The following SLC35D4 variants were observed in gnomAD, a reference collection of about 807,000 sequenced individuals.
The protein encoded by SLC35D4 is solute carrier family 35 member D4, also known as UDP-N-acetylglucosamine transporter SLC35D4.
the SLC35D4 span, among the ~76,000 whole-genome samples, chr18:23,387,079 T>TTTGTA: frequency 6.6e-6 from 1 of 152,200 alleles, no homozygotes; most frequent in South Asian, 2.1e-4. Flanking sequence ...CCGGTTAATT[T>TTTGTA]TTGTATTTTT....
At chr18:23,248,431 G>A in the SLC35D4 span, among the ~76,000 whole-genome samples, 14 of 150,916 alleles carry the variant, frequency 9.3e-5, no homozygotes, top group African/African-American at 2.0e-4. Context: ...CTGCAGCCCC[G>A]ACCACTCAGG....
chr18:23,316,925 G>A, the SLC35D4 span, among the ~76,000 whole-genome samples: 1 of 152,304 alleles, frequency 6.6e-6, no homozygotes, highest in East Asian at 1.9e-4. Context: ...TGCACAGGAG[G>A]CTGCTTGGCC....
the SLC35D4 span, chr18:23,430,558 A>T: frequency 1.5e-6 from 2 of 1,306,524 alleles, no homozygotes; most frequent in South Asian, 1.3e-5. Flanking sequence ...TGCAGTTATT[A>T]AAACTATTTC....
At chr18:23,293,295 A>G in the SLC35D4 span, among the ~76,000 whole-genome samples, 12 of 152,314 alleles carry the variant, frequency 7.9e-5, no homozygotes, top group Admixed American at 3.9e-4. Flanking sequence ...ACCAACAGAC[A>G]TATCATGGGA....
At chr18:23,401,135 G>A in the SLC35D4 span, among the ~76,000 whole-genome samples, 80,347 of 152,080 alleles carry the variant, frequency 0.53, 22,278 homozygotes, top group East Asian at 0.73. Context: ...ATCTTATGAG[G>A]AAGGTATTTA....
At chr18:23,315,297 C>T in the SLC35D4 span, among the ~76,000 whole-genome samples, 3 of 152,064 alleles carry the variant, frequency 2.0e-5, no homozygotes, top group East Asian at 1.9e-4. Flanking sequence ...ATAGGTCTGC[C>T]GATATAGCCG....
At chr18:23,326,852 C>A in the SLC35D4 span, among the ~76,000 whole-genome samples, 3 of 152,226 alleles carry the variant, frequency 2.0e-5, no homozygotes, top group Non-Finnish European at 4.4e-5. Context: ...AACAAACTGT[C>A]TCTCAGACCA....
At chr18:23,249,665 C>T in the SLC35D4 span, among the ~76,000 whole-genome samples, 1 of 152,182 alleles carries the variant, frequency 6.6e-6, no homozygotes, top group Non-Finnish European at 1.5e-5. Context: ...TTTCTCATCT[C>T]ATCTCGTTTT....
chr18:23,375,947 C>T, the SLC35D4 span, among the ~76,000 whole-genome samples: 4 of 152,198 alleles, frequency 2.6e-5, no homozygotes, highest in Non-Finnish European at 5.9e-5. Context: ...CCCACTCTCT[C>T]CTCCTAAAAG....
At chr18:23,381,666 G>A in the SLC35D4 span, among the ~76,000 whole-genome samples, 53 of 152,216 alleles carry the variant, frequency 3.5e-4, no homozygotes, top group Non-Finnish European at 2.5e-4. Context: ...GTGATGAAAT[G>A]GAGTCGAAGA....
At chr18:23,244,140 A>G in the SLC35D4 span, among the ~76,000 whole-genome samples, 1 of 152,216 alleles carries the variant, frequency 6.6e-6, no homozygotes, top group African/African-American at 2.4e-5. Context: ...TTAGAAGTGC[A>G]TCCAAATACT....
chr18:23,432,798 T>C, the SLC35D4 span, among the ~76,000 whole-genome samples: 1 of 151,432 alleles, frequency 6.6e-6, no homozygotes, highest in Non-Finnish European at 1.5e-5. Flanking sequence ...CTGGGCGACA[T>C]GGTGAGACCC....
the SLC35D4 span, among the ~76,000 whole-genome samples, chr18:23,413,149 G>A: frequency 1.8e-4 from 27 of 152,172 alleles, no homozygotes; most frequent in African/African-American, 3.6e-4. Flanking sequence ...GATTACAGGC[G>A]TGAGCCACCG....
chr18:23,373,593 C>T, the SLC35D4 span: 1 of 1,151,970 alleles, frequency 8.7e-7, no homozygotes, highest in South Asian at 1.3e-5. Flanking sequence ...ATTTGGAATG[C>T]TTCTGCATAG....
chr18:23,376,033 T>C, the SLC35D4 span, among the ~76,000 whole-genome samples: 1 of 152,186 alleles, frequency 6.6e-6, no homozygotes, highest in Non-Finnish European at 1.5e-5. Flanking sequence ...GCAACATATA[T>C]ATAGTGCCCC....
At chr18:23,335,550 C>G in the SLC35D4 span, among the ~76,000 whole-genome samples, 1 of 152,118 alleles carries the variant, frequency 6.6e-6, no homozygotes, top group Non-Finnish European at 1.5e-5. Flanking sequence ...GAAAACCGAA[C>G]CCCTATAGAA....
chr18:23,364,933 A>AAAAAAAAAAATT, the SLC35D4 span, among the ~76,000 whole-genome samples: 1 of 15,800 alleles, frequency 6.3e-5, no homozygotes, highest in African/African-American at 2.8e-4. Flanking sequence ...AAAAAAAAAA[A>AAAAAAAAAAATT]GGACTCCTTT....
At chr18:23,333,313 TGG>T in the SLC35D4 span, among the ~76,000 whole-genome samples, 1 of 152,236 alleles carries the variant, frequency 6.6e-6, no homozygotes, top group Admixed American at 6.5e-5. Flanking sequence ...TGTCTGCCTA[TGG>T]GCTCAAAACT....
At chr18:23,284,755 C>T in the SLC35D4 span, among the ~76,000 whole-genome samples, 1 of 152,350 alleles carries the variant, frequency 6.6e-6, no homozygotes. Context: ...TTTCCCGTCC[C>T]TACACTCAAT....
Sources: gnomAD v4.1 joint callset for allele counts (sites outside exome capture counted in the v4.1 genomes callset) on GRCh38, gnomAD v4.1.1 for gene constraint, MANE v1.5 for transcripts, NCBI Gene and HGNC (gene_info 2026-07-23, HGNC 2026-07-21) for gene names.